SUCLG2: variants seen among roughly 807,000 people sequenced by gnomAD.
SUCLG2 encodes succinate--CoA ligase [GDP-forming] subunit beta, mitochondrial.
In SUCLG2, 42 loss-of-function variants were observed where a neutral mutation model predicts 47.9. That is an observed-to-expected ratio of 0.88 (90% CI 0.69 to 1.14). The LOEUF (loss-of-function observed/expected upper bound fraction) is 1.14, where lower values mean the gene tolerates loss of function less well. Ranked by LOEUF, SUCLG2 falls within the 50% of genes most tolerant of loss-of-function variation. The pLI, the probability that SUCLG2 is intolerant of heterozygous loss-of-function variation, is 0.00. For missense variants in SUCLG2, 571 were observed against 525.9 expected (o/e 1.09, Z -0.84); for synonymous variants, 195 against 197.3 (o/e 0.99, Z 0.10).
chr3:67,520,181 C>T (rs1228467914), intron 5 of SUCLG2, among the ~76,000 whole-genome samples: 2 of 152,090 alleles, frequency 1.3e-5, no homozygotes, highest in Non-Finnish European at 2.9e-5. Context: ...TATAGCAGTC[C>T]TCTCCCATTG....
At chr3:67,368,131 T>G (rs539030507) in intron 10 of SUCLG2, among the ~76,000 whole-genome samples, 1 of 152,300 alleles carries the variant, frequency 6.6e-6, no homozygotes, top group African/African-American at 2.4e-5. Flanking sequence ...GGGAAACACA[T>G]TCTTCCCCTA....
At chr3:67,437,865 A>C (rs1703663302) in intron 9 of SUCLG2, among the ~76,000 whole-genome samples, 1 of 152,160 alleles carries the variant, frequency 6.6e-6, no homozygotes. Context: ...CAGAAAACTG[A>C]GGCTAATGTA....
chr3:67,610,142 T>G (rs1433587933), intron 1 of SUCLG2, among the ~76,000 whole-genome samples: 1 of 152,236 alleles, frequency 6.6e-6, no homozygotes, highest in African/African-American at 2.4e-5. Flanking sequence ...TCAGGAAATT[T>G]GTTTAAACAC....
intron 9 of SUCLG2, among the ~76,000 whole-genome samples, chr3:67,473,766 G>A (rs944224190): frequency 4.6e-5 from 7 of 152,144 alleles, no homozygotes; most frequent in South Asian, 2.1e-4. Flanking sequence ...CAAGTGCAGC[G>A]ATAAAGGTAT....
intron 7 of SUCLG2, among the ~76,000 whole-genome samples, chr3:67,505,968 A>AAAAAAG (rs563321633): frequency 0.033 from 4,973 of 151,940 alleles, 275 homozygotes; most frequent in African/African-American, 0.11. Flanking sequence ...TCTCAAAAAT[A>AAAAAAG]AAAAAGAAAA....
intron 9 of SUCLG2, among the ~76,000 whole-genome samples, chr3:67,469,580 T>C (rs997024140): frequency 2.1e-5 from 3 of 146,108 alleles, no homozygotes; most frequent in Non-Finnish European, 4.5e-5. Context: ...AATACAAAAA[T>C]TAGCTGGGTG....
At chr3:67,591,147 A>G (rs1383175958) in intron 2 of SUCLG2, among the ~76,000 whole-genome samples, 1 of 152,144 alleles carries the variant, frequency 6.6e-6, no homozygotes, top group East Asian at 1.9e-4. Flanking sequence ...GCTGTTTTAG[A>G]TCTCTCTGGC....
chr3:67,598,287 TCTCA>T (rs1005510260), intron 2 of SUCLG2, among the ~76,000 whole-genome samples: 2 of 152,100 alleles, frequency 1.3e-5, no homozygotes, highest in African/African-American at 2.4e-5. Context: ...CGGCCAAAAC[TCTCA>T]CTGTCTTTCC....
At chr3:67,508,008 T>C (rs763515284) in intron 7 of SUCLG2, among the ~76,000 whole-genome samples, 3 of 152,200 alleles carry the variant, frequency 2.0e-5, no homozygotes, top group Non-Finnish European at 4.4e-5. Context: ...TAAGAACTTA[T>C]GGAATATTTG....
At chr3:67,570,063 A>G (rs1158166820) in intron 2 of SUCLG2, among the ~76,000 whole-genome samples, 1 of 152,226 alleles carries the variant, frequency 6.6e-6, no homozygotes, top group African/African-American at 2.4e-5. Flanking sequence ...TGATGTCCTT[A>G]TAAGAAGTGG....
intron 2 of SUCLG2, among the ~76,000 whole-genome samples, chr3:67,530,608 A>G (rs1188909373): frequency 6.6e-6 from 1 of 152,240 alleles, no homozygotes; most frequent in African/African-American, 2.4e-5. Context: ...GCATTCAGCC[A>G]GCTGATGTCA....
At chr3:67,382,842 G>A (rs1257566408) in intron 10 of SUCLG2, among the ~76,000 whole-genome samples, 1 of 152,108 alleles carries the variant, frequency 6.6e-6, no homozygotes, top group Non-Finnish European at 1.5e-5. Context: ...TGGGAGAGGG[G>A]AATTCAGTGG....
chr3:67,588,570 T>C (rs1421264476), intron 2 of SUCLG2, among the ~76,000 whole-genome samples: 2 of 152,194 alleles, frequency 1.3e-5, no homozygotes, highest in Middle Eastern at 3.2e-3. Flanking sequence ...TTACTATAAA[T>C]TGCATGAAGA....
chr3:67,441,478 C>T (rs1054844455), intron 9 of SUCLG2, among the ~76,000 whole-genome samples: 6 of 152,058 alleles, frequency 3.9e-5, no homozygotes, highest in African/African-American at 1.4e-4. Flanking sequence ...AATATGTCTG[C>T]GTGTGAGCTT....
At chr3:67,506,834 C>G (rs533454262) in intron 7 of SUCLG2, among the ~76,000 whole-genome samples, 5 of 152,210 alleles carry the variant, frequency 3.3e-5, no homozygotes, top group African/African-American at 1.2e-4. Flanking sequence ...CCCTGCCAAA[C>G]TGGAGACTAC....
chr3:67,603,273 C>G (rs1708459607), intron 2 of SUCLG2, among the ~76,000 whole-genome samples: 1 of 152,200 alleles, frequency 6.6e-6, no homozygotes, highest in Non-Finnish European at 1.5e-5. Flanking sequence ...AACCACATGT[C>G]ATAGGACAAA....
intron 1 of SUCLG2, among the ~76,000 whole-genome samples, chr3:67,650,280 G>C (rs970303398): frequency 2.0e-5 from 3 of 152,216 alleles, no homozygotes; most frequent in African/African-American, 7.2e-5. Context: ...ACTTACAAAA[G>C]TCATGCATTC....
At chr3:67,514,326 C>A in intron 6 of SUCLG2, 1 of 389,848 alleles carries the variant, frequency 2.6e-6, no homozygotes, top group South Asian at 2.5e-5. Flanking sequence ...CATATTAAGT[C>A]TGGCAATGAT....
At chr3:67,590,812 T>A (rs1708139268) in intron 2 of SUCLG2, among the ~76,000 whole-genome samples, 1 of 152,220 alleles carries the variant, frequency 6.6e-6, no homozygotes, top group Non-Finnish European at 1.5e-5. Flanking sequence ...TTTCTTTTAG[T>A]GTTAAGTACT....
Sources: allele counts gnomAD v4.1 joint callset (sites outside exome capture counted in the v4.1 genomes callset), GRCh38; gene constraint gnomAD v4.1.1; transcripts MANE v1.5; gene names NCBI Gene and HGNC (gene_info 2026-07-23, HGNC 2026-07-21).